The following SNTB1 variants were observed in gnomAD, a reference collection of about 807,000 sequenced individuals.
The protein encoded by SNTB1 is beta-1-syntrophin.
SNTB1 carries 36 observed loss-of-function variants against 48.9 expected under a neutral mutation model. The observed-to-expected ratio is 0.74, with a 90% CI of 0.56 to 0.97. SNTB1 has a LOEUF of 0.97. SNTB1 is among the 50% of genes least tolerant of loss of function. SNTB1 has a pLI of 0.00. For missense variants in SNTB1, 786 were observed against 703.4 expected (o/e 1.12, Z -1.33); for synonymous variants, 299 against 294.6 (o/e 1.01, Z -0.15).
intron 3 of SNTB1, among the ~76,000 whole-genome samples, chr8:120,615,554 A>G (rs1249773895): frequency 6.6e-6 from 1 of 152,226 alleles, no homozygotes; most frequent in Non-Finnish European, 1.5e-5. Context: ...TTCTGCTTAC[A>G]TGAAGAATTT....
chr8:120,680,128 C>T (rs184215957), intron 2 of SNTB1, among the ~76,000 whole-genome samples: 34 of 152,308 alleles, frequency 2.2e-4, no homozygotes, highest in African/African-American at 7.0e-4. Flanking sequence ...GTTGACAACA[C>T]CCAGCCTGCT....
chr8:120,616,240 C>T (rs1417733698), intron 3 of SNTB1, among the ~76,000 whole-genome samples: 1 of 151,660 alleles, frequency 6.6e-6, no homozygotes, highest in African/African-American at 2.4e-5. Flanking sequence ...AGATTACTAG[C>T]AGTTGGTGAT....
At chr8:120,808,313 G>T (rs1820369741) in intron 1 of SNTB1, among the ~76,000 whole-genome samples, 1 of 152,214 alleles carries the variant, frequency 6.6e-6, no homozygotes, top group Admixed American at 6.5e-5. Context: ...ACTGTTAAGT[G>T]TAACAGGTAA....
intron 1 of SNTB1, among the ~76,000 whole-genome samples, chr8:120,725,145 G>A (rs182697319): frequency 2.0e-4 from 31 of 152,316 alleles, no homozygotes; most frequent in African/African-American, 7.0e-4. Context: ...CTGGGAAGAA[G>A]GAGGTAAGTG....
intron 3 of SNTB1, among the ~76,000 whole-genome samples, chr8:120,600,032 C>G (rs1816398061): frequency 6.6e-6 from 1 of 152,206 alleles, no homozygotes; most frequent in African/African-American, 2.4e-5. Context: ...TCTAGCTCCT[C>G]AAAATTTTAG....
In SNTB1 at chr8:120,661,921, T is replaced by C. The variant is rs75790054; in HGVS notation, c.789-29270A>G. 4.6e-3 allele frequency among the ~76,000 whole-genome samples: 699 copies of C among 152,338 alleles called. 2 individuals are homozygous for C. The highest frequency in any genetic ancestry group is 8.1e-3 in the Non-Finnish European group (550 of 68,032). ...AAGGAGTAGAAAATTCATGGTGTGCTGGAGGCAATTTTAACTTTTTAAATC... is the reference window on the plus strand; with the variant it reads ...AAGGAGTAGAAAATTCATGGTGTGCCGGAGGCAATTTTAACTTTTTAAATC... On this transcript the variant is annotated intron_variant, in intron 2 of 6. Coordinates refer to ENST00000517992, the MANE Select transcript of SNTB1 (RefSeq NM_021021.4).
At chr8:120,745,036 G>T (rs967683692) in intron 1 of SNTB1, among the ~76,000 whole-genome samples, 2 of 151,716 alleles carry the variant, frequency 1.3e-5, no homozygotes, top group Non-Finnish European at 2.9e-5. Flanking sequence ...AGTCTTGCTT[G>T]TCCTCTGACT....
At chr8:120,750,252 C>A (rs561093461) in intron 1 of SNTB1, among the ~76,000 whole-genome samples, 1 of 152,002 alleles carries the variant, frequency 6.6e-6, no homozygotes, top group Admixed American at 6.6e-5. Flanking sequence ...GCACCCTGTG[C>A]CCAGGGTCTG....
intron 4 of SNTB1, among the ~76,000 whole-genome samples, chr8:120,568,280 C>G (rs1488458219): frequency 6.6e-6 from 1 of 152,184 alleles, no homozygotes; most frequent in African/African-American, 2.4e-5. Context: ...CTGCCTCCTA[C>G]TGCAATTCAT....
At chr8:120,732,119 T>C (rs1818862858) in intron 1 of SNTB1, among the ~76,000 whole-genome samples, 1 of 152,212 alleles carries the variant, frequency 6.6e-6, no homozygotes. Context: ...ACTGACACTT[T>C]TAACAGGGTA....
chr8:120,652,754 T>C (rs1817428817), intron 2 of SNTB1, among the ~76,000 whole-genome samples: 1 of 152,184 alleles, frequency 6.6e-6, no homozygotes, highest in Admixed American at 6.5e-5. Context: ...ATAATAATTA[T>C]GGAAGTGCTT....
At chr8:120,593,240 A>T (rs1045375111) in intron 3 of SNTB1, among the ~76,000 whole-genome samples, 2 of 151,958 alleles carry the variant, frequency 1.3e-5, no homozygotes, top group African/African-American at 4.8e-5. Flanking sequence ...ACCGGCACAG[A>T]CTCCCACTGA....
At chr8:120,699,962 G>C (rs922459271) in intron 1 of SNTB1, among the ~76,000 whole-genome samples, 2 of 152,102 alleles carry the variant, frequency 1.3e-5, no homozygotes, top group African/African-American at 4.8e-5. Flanking sequence ...CATATACTTT[G>C]CCAAGTGTTT....
chr8:120,756,388 T>C (rs1477822054), intron 1 of SNTB1, among the ~76,000 whole-genome samples: 1 of 151,970 alleles, frequency 6.6e-6, no homozygotes, highest in Non-Finnish European at 1.5e-5. Context: ...GTGGTAAAGA[T>C]GGGTAGGATT....
At chr8:120,545,178 T>C (rs997700095) in intron 5 of SNTB1, among the ~76,000 whole-genome samples, 1 of 152,078 alleles carries the variant, frequency 6.6e-6, no homozygotes, top group Non-Finnish European at 1.5e-5. Flanking sequence ...ACCCCATCTC[T>C]ACTAAAAATA....
At chr8:120,612,960 T>A (rs894071129) in intron 3 of SNTB1, among the ~76,000 whole-genome samples, 4 of 152,178 alleles carry the variant, frequency 2.6e-5, no homozygotes, top group Admixed American at 2.0e-4. Flanking sequence ...TTAACTATAG[T>A]CACTCAGATG....
intron 1 of SNTB1, among the ~76,000 whole-genome samples, chr8:120,710,833 C>G (rs1818450517): frequency 6.6e-6 from 1 of 152,108 alleles, no homozygotes; most frequent in Admixed American, 6.5e-5. Flanking sequence ...TATAAATTAC[C>G]CAGGCTCTGG....
chr8:120,606,195 A>G (rs923935325), intron 3 of SNTB1, among the ~76,000 whole-genome samples: 3 of 144,290 alleles, frequency 2.1e-5, no homozygotes, highest in Non-Finnish European at 4.6e-5. Context: ...TATATATATC[A>G]TATGTTATAT....
chr8:120,784,656 A>C (rs1819891968), intron 1 of SNTB1, among the ~76,000 whole-genome samples: 1 of 152,200 alleles, frequency 6.6e-6, no homozygotes. Context: ...ATGATGTTAA[A>C]AATGGCAATG....
Sources: allele counts gnomAD v4.1 joint callset (sites outside exome capture counted in the v4.1 genomes callset), GRCh38; gene constraint gnomAD v4.1.1; transcripts MANE v1.5; gene names NCBI Gene and HGNC (gene_info 2026-07-23, HGNC 2026-07-21).